Variants in MRPL35 observed in about 807,000 individuals in gnomAD.
MRPL35 encodes the protein large ribosomal subunit protein bL35m.
In MRPL35, 18 loss-of-function variants were observed where a neutral mutation model predicts 21.6. The observed-to-expected ratio is 0.83, with a 90% confidence interval of 0.58 to 1.24. MRPL35 has a LOEUF of 1.24. MRPL35 is among the 50% of genes most tolerant of loss of function. The pLI, the probability that MRPL35 is intolerant of heterozygous loss-of-function variation, is 0.00. For synonymous variants in MRPL35, 87 were observed against 86.9 expected (o/e 1.00, Z -0.01); for missense variants, 223 against 223.2 (o/e 1.00, Z 0.01).
In MRPL35 at chr2:86,212,254, A is replaced by G; in HGVS notation, c.*1586A>G. 7.2e-7 allele frequency: 1 copy of G among 1,392,408 alleles called. No individual in the cohort carries two copies. The highest frequency in any genetic ancestry group is 9.4e-7 in the Non-Finnish European group (1 of 1,069,298). The allele number at this position is 1,392,408 out of a possible 1,614,324, so 86.3% of individuals were successfully genotyped here. On this transcript the variant is annotated 3_prime_UTR_variant, in exon 4 of 4. Transcript: ENST00000337109. ...GATTCCTCGAAACTAGTGTGTGTTT[A>G]TTAAAAGGAGAAAGGATAACAATAG...
intron 1 of MRPL35, among the ~76,000 whole-genome samples, chr2:86,202,452 A>C (rs10184462): frequency 6.6e-6 from 1 of 152,024 alleles, no homozygotes; most frequent in Admixed American, 6.5e-5. Context: ...AAAGAATTTC[A>C]TAGGTTTTAA....
chr2:86,204,362 T>A (rs1312788832), intron 1 of MRPL35, among the ~76,000 whole-genome samples: 1 of 152,128 alleles, frequency 6.6e-6, no homozygotes, highest in Non-Finnish European at 1.5e-5. Flanking sequence ...TACAGCTTTA[T>A]GTTTTTTTAT....
At position 86,213,324 on chromosome 2, in the gene MRPL35, C is replaced by T. The variant is rs1225069057; in HGVS notation, c.*2656C>T. 3 of 1,201,952 alleles carry T rather than the reference C, an allele frequency of 2.5e-6. No individual in the cohort carries two copies. Among genetic ancestry groups the T allele is most frequent in the African/African-American group, 1.6e-5 (1 of 63,558 alleles). The allele number at this position is 1,201,952 out of a possible 1,614,324, so 74.5% of individuals were successfully genotyped here. ...AATCCTAGTTCTGTTGACATTGGAC[C>T]AGGCTCAGTAAATAAACGAATGGAT... On this transcript the variant is annotated 3_prime_UTR_variant, in exon 4 of 4. Transcript: ENST00000337109.
rs780275197 is a variant in MRPL35 at position 86,199,550 on chromosome 2, A to C, written c.43+17A>C. ...CAGCTTCAGGTCAGTGGAGAGCGAC[A>C]TACTCCATGCATGCCTTCACAGAAG... is the stretch of plus-strand genomic sequence containing the variant. On this transcript the variant is annotated intron_variant, in intron 1 of 3. Coordinates refer to ENST00000337109, the MANE Select transcript of MRPL35 (RefSeq NM_016622.4). 77 of 1,613,982 alleles carry C rather than the reference A, an allele frequency of 4.8e-5. No homozygotes were observed. The highest frequency in any genetic ancestry group is 6.4e-5 in the Non-Finnish European group (76 of 1,180,018).
chr2:86,210,735 G>A lies in MRPL35; in HGVS notation c.*67G>A. 1 of 1,492,374 alleles carries A rather than the reference G, an allele frequency of 6.7e-7. No individual in the cohort carries two copies. Among genetic ancestry groups the A allele is most frequent in the South Asian group, 1.5e-5 (1 of 68,312 alleles). 92.4% of individuals were successfully genotyped at this position (1,492,374 alleles called of 1,614,324 possible). A position where few individuals can be genotyped will look rare whatever the true frequency, so the allele number is the denominator to read the frequency against. ...TTTGTGTACATATCTTTGCAAAAAT[G>A]GATAAGTACAAAACTTGATGTAAAT... On this transcript the variant is annotated 3_prime_UTR_variant, in exon 4 of 4. Transcript: ENST00000337109.
At position 86,210,763 on chromosome 2, in the gene MRPL35, T is replaced by C. The variant is rs1673889283; in HGVS notation, c.*95T>C. 2.7e-6 allele frequency: 4 copies of C among 1,456,532 alleles called. No homozygotes were observed. Among genetic ancestry groups the C allele is most frequent in the African/African-American group, 2.8e-5 (2 of 70,904 alleles). The allele number at this position is 1,456,532 out of a possible 1,614,324, so 90.2% of individuals were successfully genotyped here. On this transcript the variant is annotated 3_prime_UTR_variant, in exon 4 of 4. Coordinates refer to ENST00000337109, the MANE Select transcript of MRPL35 (RefSeq NM_016622.4). ...TAAGTACAAAACTTGATGTAAATTG[T>C]ACCAATGAATACGTAAACATACAGT...
chr2:86,206,838 C>G (rs1041326256), intron 2 of MRPL35, among the ~76,000 whole-genome samples: 5 of 152,162 alleles, frequency 3.3e-5, no homozygotes, highest in Admixed American at 2.6e-4. Flanking sequence ...GTTAAATACC[C>G]CTGGGTGCCT....
At chr2:86,201,758 A>G (rs1313157937) in intron 1 of MRPL35, among the ~76,000 whole-genome samples, 1 of 152,226 alleles carries the variant, frequency 6.6e-6, no homozygotes, top group Non-Finnish European at 1.5e-5. Flanking sequence ...CTTTTAGGAA[A>G]CATAGGATCA....
chr2:86,206,999 C>T lies in MRPL35; in HGVS notation c.234-184C>T, dbSNP rs570188679. On this transcript the variant is annotated intron_variant, in intron 2 of 3. Coordinates refer to ENST00000337109, the MANE Select transcript of MRPL35 (RefSeq NM_016622.4). ...TGAGGGGGTAGGTTTTAGAAGATTG[C>T]GAGTTGGTGATGGTTGCTATTCTAA... 1.6e-3 allele frequency among the ~76,000 whole-genome samples: 250 copies of T among 152,066 alleles called. 1 individual carries two copies. The highest frequency in any genetic ancestry group is 2.9e-3 in the Non-Finnish European group (200 of 67,980).
rs775708000 is a variant in MRPL35 at position 86,210,682 on chromosome 2, C to T, written c.*14C>T. ...CTGAAAGTATAGATCAGAAGTTTCACTTGTTTCTCAGTTATTGGATATGTA... is the reference window on the plus strand; with the variant it reads ...CTGAAAGTATAGATCAGAAGTTTCATTTGTTTCTCAGTTATTGGATATGTA... On this transcript the variant is annotated 3_prime_UTR_variant, in exon 4 of 4. Coordinates refer to ENST00000337109, the MANE Select transcript of MRPL35 (RefSeq NM_016622.4). 6.3e-7 allele frequency: 1 copy of T among 1,594,082 alleles called. No individual in the cohort carries two copies. Among genetic ancestry groups the T allele is most frequent in the Admixed American group, 1.8e-5 (1 of 55,814 alleles).
At chr2:86,203,080 CTTT>C (rs35289845) in intron 1 of MRPL35, among the ~76,000 whole-genome samples, 6 of 132,022 alleles carry the variant, frequency 4.5e-5, no homozygotes, top group Non-Finnish European at 3.2e-5. Flanking sequence ...GTGGGAAATT[CTTT>C]TTTTTTTTTT....
Position 86,199,547 on chromosome 2 carries a change from G to A in MRPL35, c.43+14G>A. 1.2e-6 allele frequency: 2 copies of A among 1,614,046 alleles called. No homozygotes were observed. Among genetic ancestry groups the A allele is most frequent in the Non-Finnish European group, 1.7e-6 (2 of 1,179,996 alleles). ...GAGCAGCTTCAGGTCAGTGGAGAGC[G>A]ACATACTCCATGCATGCCTTCACAG... On this transcript the variant is annotated intron_variant, in intron 1 of 3. Coordinates refer to ENST00000337109, the MANE Select transcript of MRPL35 (RefSeq NM_016622.4).
rs1673954311 is a variant in MRPL35 at position 86,213,479 on chromosome 2, T to C, written c.*2811T>C. 2 of 1,339,992 alleles carry C rather than the reference T, an allele frequency of 1.5e-6. No homozygotes were observed. Among genetic ancestry groups the C allele is most frequent in the Admixed American group, 3.5e-5 (1 of 28,710 alleles). The allele number at this position is 1,339,992 out of a possible 1,614,324, so 83.0% of individuals were successfully genotyped here. On this transcript the variant is annotated 3_prime_UTR_variant, in exon 4 of 4. Transcript: ENST00000337109. ...GGACTAAAAATGCAAAGAAATTGGG[T>C]CTGTGTTTAATTTTGATGTTTCAAA...
Position 86,211,677 on chromosome 2 carries a change from T to A in MRPL35, c.*1009T>A. ...CAAGTTTTGAAAGATAGGTATTTAT[T>A]TTTTCTAGAGACAGGAGTTTTGCTC... On this transcript the variant is annotated 3_prime_UTR_variant, in exon 4 of 4. Coordinates refer to ENST00000337109, the MANE Select transcript of MRPL35 (RefSeq NM_016622.4). 1 of 985,400 alleles carries A rather than the reference T, an allele frequency of 1.0e-6. No individual in the cohort carries two copies. Among genetic ancestry groups the A allele is most frequent in the Non-Finnish European group, 1.2e-6 (1 of 829,924 alleles). 61.0% of individuals were successfully genotyped at this position (985,400 alleles called of 1,614,324 possible). A position where few individuals can be genotyped will look rare whatever the true frequency, so the allele number is the denominator to read the frequency against.
Position 86,211,414 on chromosome 2 carries a change from G to A in MRPL35, c.*746G>A. ...TAGGGATTGGCTGTCCTTAAGTCAG[G>A]AGCCCGCTTTGTATTAGCAGGTTTG... On this transcript the variant is annotated 3_prime_UTR_variant, in exon 4 of 4. Transcript: ENST00000337109. The A allele has an allele frequency of 1.0e-6, 1 of 985,390 alleles. No individual in the cohort carries two copies. The highest frequency in any genetic ancestry group is 1.2e-6 in the Non-Finnish European group (1 of 829,934). The allele number at this position is 985,390 out of a possible 1,614,324, so 61.0% of individuals were successfully genotyped here. A position where few individuals can be genotyped will look rare whatever the true frequency, so the allele number is the denominator to read the frequency against.
At chr2:86,208,143 T>TC (rs1044983871) in intron 3 of MRPL35, among the ~76,000 whole-genome samples, 16 of 152,168 alleles carry the variant, frequency 1.1e-4, no homozygotes, top group African/African-American at 3.6e-4. Flanking sequence ...TGGTTGGAAC[T>TC]CTCAGCTCAT....
rs1464537434 is a variant in MRPL35, at chr2:86,206,168, T to G, written c.106T>G (p.Ser36Ala). The G allele has an allele frequency of 6.2e-7, 1 of 1,613,986 alleles. No individual in the cohort carries two copies. Among genetic ancestry groups the G allele is most frequent in the African/African-American group, 1.3e-5 (1 of 75,038 alleles). Residue 36 changes from serine (S) to alanine (A), a missense_variant, in exon 2 of 4, where the codon TCT (serine) becomes GCT (alanine). Physicochemically the swap from Ser to Ala is moderately conservative, Grantham distance 99. Transcript: ENST00000337109. ...CTACCGCAACTGTGTCAAGAATGCC[T>G]CTCTTATTTCTGCATTGTCCACTGG... ...STYRNCVKNA[S>A]LISALSTGRF...
At chr2:86,201,577 T>C (rs981197155) in intron 1 of MRPL35, among the ~76,000 whole-genome samples, 1 of 152,224 alleles carries the variant, frequency 6.6e-6, no homozygotes, top group Non-Finnish European at 1.5e-5. Context: ...TAGGTAGTTA[T>C]CAACTTACTA....
At position 86,207,302 on chromosome 2, in the gene MRPL35, A is replaced by T. The variant is rs1339991591; in HGVS notation, c.353A>T (p.His118Leu). ...GTCATCGATAGGTTTCTTCGACTTC[A>T]TTGTGGCCTTTGGGTGAGGAGAAAG... Reference protein sequence around the residue: ...KAVIDRFLRLHCGLWVRRKAG... With the variant: ...KAVIDRFLRLLCGLWVRRKAG... The change falls in exon 3 of 4, where the codon CAT (histidine) becomes CTT (leucine). Residue 118 changes from histidine (H) to leucine (L), a missense_variant. Transcript: ENST00000337109. 1.2e-6 allele frequency: 2 copies of T among 1,613,654 alleles called. No homozygotes were observed. Among genetic ancestry groups the T allele is most frequent in the Admixed American group, 3.3e-5 (2 of 59,978 alleles).
Sources: allele counts gnomAD v4.1 joint callset (sites outside exome capture counted in the v4.1 genomes callset), GRCh38; gene constraint gnomAD v4.1.1; transcripts MANE v1.5; gene names NCBI Gene and HGNC (gene_info 2026-07-23, HGNC 2026-07-21).